Variants in GALNTL6 observed in about 807,000 individuals in gnomAD.
GALNTL6 encodes polypeptide N-acetylgalactosaminyltransferase-like 6.
In GALNTL6, 46 loss-of-function variants were observed where a neutral mutation model predicts 73.7. The observed-to-expected ratio is 0.62, with a 90% confidence interval of 0.49 to 0.80. The LOEUF (loss-of-function observed/expected upper bound fraction) is 0.80, where lower values mean the gene tolerates loss of function less well. Among genes scored for constraint, GALNTL6 ranks in the 30% least tolerant of loss-of-function variants. GALNTL6 has a pLI of 0.00. For missense variants in GALNTL6, 604 were observed against 755.0 expected, an observed-to-expected ratio of 0.80 and a Z score of 2.34; for synonymous variants, 259 against 263.7, an observed-to-expected ratio of 0.98 and a Z score of 0.17.
intron 3 of GALNTL6, among the ~76,000 whole-genome samples, chr4:172,245,041 C>A (rs1737574647): frequency 6.6e-6 from 1 of 151,794 alleles, no homozygotes; most frequent in Non-Finnish European, 1.5e-5. Context: ...CGGTATCTGG[C>A]AAGAATCAAG....
At chr4:172,315,331 T>A (rs1740504952) in intron 4 of GALNTL6, among the ~76,000 whole-genome samples, 1 of 152,200 alleles carries the variant, frequency 6.6e-6, no homozygotes, top group South Asian at 2.1e-4. Flanking sequence ...TGGTGCAATC[T>A]CAGCTCACTG....
At chr4:172,773,889 C>T (rs1018122808) in intron 5 of GALNTL6, among the ~76,000 whole-genome samples, 26 of 151,984 alleles carry the variant, frequency 1.7e-4, no homozygotes, top group Non-Finnish European at 2.9e-5. Flanking sequence ...ATACAATTGG[C>T]TCAATCAAGT....
chr4:172,878,567 A>G (rs1116652), intron 7 of GALNTL6, among the ~76,000 whole-genome samples: 98,116 of 151,584 alleles, frequency 0.65, 33,793 homozygotes, highest in East Asian at 0.91. Context: ...CATAAATTGC[A>G]ATAAAAGAAA....
intron 2 of GALNTL6, among the ~76,000 whole-genome samples, chr4:172,113,934 T>C (rs1291124081): frequency 1.3e-5 from 2 of 152,126 alleles, no homozygotes; most frequent in Non-Finnish European, 2.9e-5. Context: ...ACTCAATCTC[T>C]TCAATTTTGA....
At chr4:172,297,858 T>G (rs4634185) in intron 3 of GALNTL6, among the ~76,000 whole-genome samples, 3 of 151,612 alleles carry the variant, frequency 2.0e-5, no homozygotes, top group East Asian at 1.9e-4. Flanking sequence ...TCCATATGAA[T>G]TTTAAAGTAG....
intron 2 of GALNTL6, among the ~76,000 whole-genome samples, chr4:171,968,841 TG>T (rs369487071): frequency 0.024 from 2,288 of 94,210 alleles, 67 homozygotes; most frequent in African/African-American, 0.068. Context: ...TTGTGCGGGG[TG>T]GGGGGGGGGT....
chr4:172,578,561 A>G (rs1737049508), intron 5 of GALNTL6, among the ~76,000 whole-genome samples: 1 of 152,248 alleles, frequency 6.6e-6, no homozygotes, highest in Non-Finnish European at 1.5e-5. Context: ...CTTTTGCAAT[A>G]GCAGTGGCCT....
At chr4:171,972,641 T>C (rs1579020204) in intron 2 of GALNTL6, among the ~76,000 whole-genome samples, 1 of 151,834 alleles carries the variant, frequency 6.6e-6, no homozygotes, top group East Asian at 1.9e-4. Context: ...AGATAGAAAA[T>C]GTATTAGTGG....
chr4:172,374,364 G>A (rs1232411299), intron 5 of GALNTL6, among the ~76,000 whole-genome samples: 1 of 152,082 alleles, frequency 6.6e-6, no homozygotes, highest in Non-Finnish European at 1.5e-5. Flanking sequence ...TCCAAATTTT[G>A]TTCAGGGCCC....
At chr4:171,945,939 G>T (rs920411691) in intron 2 of GALNTL6, among the ~76,000 whole-genome samples, 1 of 152,092 alleles carries the variant, frequency 6.6e-6, no homozygotes, top group Non-Finnish European at 1.5e-5. Flanking sequence ...ACTGGATATT[G>T]TGTTGACAAT....
intron 5 of GALNTL6, among the ~76,000 whole-genome samples, chr4:172,714,978 C>A (rs1005430206): frequency 9.3e-6 from 1 of 107,610 alleles, no homozygotes; most frequent in Admixed American, 1.1e-4. Flanking sequence ...CACTGCTAAA[C>A]CTGACATTTA....
At chr4:172,353,009 A>G (rs1578985569) in intron 5 of GALNTL6, among the ~76,000 whole-genome samples, 1 of 152,144 alleles carries the variant, frequency 6.6e-6, no homozygotes, top group East Asian at 1.9e-4. Flanking sequence ...TGCATGGACC[A>G]GCAGCAGCAG....
At chr4:172,265,632 A>G (rs898524657) in intron 3 of GALNTL6, among the ~76,000 whole-genome samples, 1 of 152,116 alleles carries the variant, frequency 6.6e-6, no homozygotes, top group African/African-American at 2.4e-5. Context: ...TCTAAGATTC[A>G]TAATCTGTAG....
chr4:172,240,646 G>A (rs1175503953), intron 3 of GALNTL6, among the ~76,000 whole-genome samples: 2 of 152,100 alleles, frequency 1.3e-5, no homozygotes, highest in Admixed American at 6.6e-5. Context: ...TCTGCTATTT[G>A]CAATTGTATT....
chr4:172,822,063 C>T (rs1001781486), intron 7 of GALNTL6, among the ~76,000 whole-genome samples: 1 of 152,202 alleles, frequency 6.6e-6, no homozygotes, highest in Non-Finnish European at 1.5e-5. Flanking sequence ...TTTCTTCCCT[C>T]TCCCTATGGG....
At chr4:172,487,565 T>G (rs1452067960) in intron 5 of GALNTL6, among the ~76,000 whole-genome samples, 2 of 151,612 alleles carry the variant, frequency 1.3e-5, no homozygotes, top group Non-Finnish European at 2.9e-5. Flanking sequence ...TCTTTGTATT[T>G]TTAGTAGAGA....
At chr4:172,427,849 T>G (rs1401160452) in intron 5 of GALNTL6, among the ~76,000 whole-genome samples, 1 of 152,154 alleles carries the variant, frequency 6.6e-6, no homozygotes, top group Non-Finnish European at 1.5e-5. Context: ...AGATAAATAT[T>G]TTTGAGAAAA....
chr4:172,345,230 G>A (rs966603564), intron 4 of GALNTL6, among the ~76,000 whole-genome samples: 2 of 152,080 alleles, frequency 1.3e-5, no homozygotes, highest in African/African-American at 2.4e-5. Flanking sequence ...ATAAAGTGTG[G>A]TGTGACTTTC....
chr4:172,473,612 T>G (rs1258909129), intron 5 of GALNTL6, among the ~76,000 whole-genome samples: 1 of 152,224 alleles, frequency 6.6e-6, no homozygotes, highest in Non-Finnish European at 1.5e-5. Flanking sequence ...AGATAGACTT[T>G]CTTTACAAGG....
Sources: allele counts gnomAD v4.1 joint callset (sites outside exome capture counted in the v4.1 genomes callset), GRCh38; gene constraint gnomAD v4.1.1; transcripts MANE v1.5; gene names NCBI Gene and HGNC (gene_info 2026-07-23, HGNC 2026-07-21).